The following CNKSR3 variants were observed in gnomAD, a reference collection of about 807,000 sequenced individuals.
The protein encoded by CNKSR3 is connector enhancer of kinase suppressor of ras 3.
CNKSR3 carries 36 observed loss-of-function variants against 67.7 expected under a neutral mutation model. That is an observed-to-expected ratio of 0.53 (90% CI 0.41 to 0.70). The LOEUF is 0.70. Among genes scored for constraint, CNKSR3 ranks in the 30% least tolerant of loss-of-function variants. The probability of loss-of-function intolerance (pLI) is 0.00; values close to 1 mark genes in which losing one functional copy is unlikely to be tolerated. For missense variants in CNKSR3, 630 were observed against 695.2 expected, an observed-to-expected ratio of 0.91 and a Z score of 1.05; for synonymous variants, 281 against 271.4, an observed-to-expected ratio of 1.04 and a Z score of -0.35.
chr6:154,463,134 C>T (rs1347515677), intron 1 of CNKSR3, among the ~76,000 whole-genome samples: 5 of 142,848 alleles, frequency 3.5e-5, no homozygotes, highest in African/African-American at 8.0e-5. Flanking sequence ...TTTTTTGAGA[C>T]GGAGTCTCGC....
chr6:154,402,691 T>C lies in CNKSR3; in HGVS notation c.*3663A>G, dbSNP rs1461627048. On this transcript the variant is annotated 3_prime_UTR_variant, in exon 13 of 13. Transcript: ENST00000607772. ...GCAAGCACTATATGAGTGAAGCCAT[T>C]ACAGACTAGGTATGCCTAGAACTTT... 2 of 152,332 alleles carry C rather than the reference T, an allele frequency of 1.3e-5. No homozygotes were observed. The highest frequency in any genetic ancestry group is 2.1e-4 in the South Asian group (1 of 4,826). 9.4% of individuals were successfully genotyped at this position (152,332 alleles called of 1,614,324 possible).
At chr6:154,483,965 T>C (rs550976368) in intron 1 of CNKSR3, among the ~76,000 whole-genome samples, 5 of 152,142 alleles carry the variant, frequency 3.3e-5, no homozygotes, top group Non-Finnish European at 5.9e-5. Flanking sequence ...ACATTATTGC[T>C]GGTGGATGGG....
chr6:154,423,747 C>T (rs1039357638), intron 7 of CNKSR3, among the ~76,000 whole-genome samples: 3 of 152,182 alleles, frequency 2.0e-5, no homozygotes. Flanking sequence ...TCTTCTTTTA[C>T]ATATTATTGC....
chr6:154,490,716 C>A (rs1255986530), intron 1 of CNKSR3, among the ~76,000 whole-genome samples: 1 of 147,758 alleles, frequency 6.8e-6, no homozygotes, highest in African/African-American at 2.5e-5. Flanking sequence ...GCCACCACAT[C>A]GGCTTCTTTC....
intron 1 of CNKSR3, among the ~76,000 whole-genome samples, chr6:154,474,665 T>C (rs978549093): frequency 6.6e-6 from 1 of 152,052 alleles, no homozygotes; most frequent in African/African-American, 2.4e-5. Flanking sequence ...TGGGGTGGTG[T>C]GCCCCTGGCA....
At position 154,394,214 on chromosome 6, in the gene CNKSR3, T is replaced by A. The variant is rs1268398851; in HGVS notation, c.*12140A>T. The A allele has an allele frequency of 6.6e-6, 1 of 152,230 alleles. No individual in the cohort carries two copies. The highest frequency in any genetic ancestry group is 1.5e-5 in the Non-Finnish European group (1 of 68,074). The allele number at this position is 152,230 out of a possible 1,614,324, so 9.4% of individuals were successfully genotyped here. A position where few individuals can be genotyped will look rare whatever the true frequency, so the allele number is the denominator to read the frequency against. On this transcript the variant is annotated 3_prime_UTR_variant, in exon 13 of 13. Coordinates refer to ENST00000607772, the MANE Select transcript of CNKSR3 (RefSeq NM_173515.4). ...ATTTTTTTGAAAGATAGGGTCTCAC[T>A]ATGGTGCCCAGCTGGTCTTGAACTT... is the stretch of plus-strand genomic sequence containing the variant.
Position 154,442,136 on chromosome 6 carries a change from A to G in CNKSR3, c.371T>C (p.Val124Ala). ...RKAPNEFLTS[V>A]VELIGAAKAL... Reference sequence around the variant, plus strand: ...CTTGGCGGCGCCGATGAGCTCCACCACCGAGGTCAGGAACTCATTGGGGGC... The same window carrying G: ...CTTGGCGGCGCCGATGAGCTCCACCGCCGAGGTCAGGAACTCATTGGGGGC... The change falls in exon 3 of 13, where the codon GTG becomes GCG. Residue 124 changes from valine to alanine, a missense_variant. Around this residue, in one of 3 missense-constraint regions of CNKSR3, gnomAD observed 189 missense variants for 205.0 expected, o/e 0.92. Transcript: ENST00000607772. 6.2e-7 allele frequency: 1 copy of G among 1,613,598 alleles called. No homozygotes were observed. Among genetic ancestry groups the G allele is most frequent in the Non-Finnish European group, 8.5e-7 (1 of 1,179,548 alleles).
chr6:154,408,517 T>C (rs1306904952), intron 12 of CNKSR3, among the ~76,000 whole-genome samples: 2 of 152,192 alleles, frequency 1.3e-5, no homozygotes, highest in African/African-American at 4.8e-5. Flanking sequence ...ACAGTCACAT[T>C]GAAAAAGTGC....
intron 9 of CNKSR3, among the ~76,000 whole-genome samples, chr6:154,418,912 G>A (rs898761738): frequency 1.3e-5 from 2 of 150,398 alleles, no homozygotes; most frequent in Non-Finnish European, 2.9e-5. Flanking sequence ...TCAGATAAGG[G>A]GTTAATACCC....
In CNKSR3 at chr6:154,400,404, T is replaced by C. The variant is rs1784704213; in HGVS notation, c.*5950A>G. The C allele has an allele frequency of 6.6e-6, 1 of 152,218 alleles. No individual in the cohort carries two copies. The highest frequency in any genetic ancestry group is 1.5e-5 in the Non-Finnish European group (1 of 68,046). The allele number at this position is 152,218 out of a possible 1,614,324, so 9.4% of individuals were successfully genotyped here. A position where few individuals can be genotyped will look rare whatever the true frequency, so the allele number is the denominator to read the frequency against. On this transcript the variant is annotated 3_prime_UTR_variant, in exon 13 of 13. Transcript: ENST00000607772. ...AAGGTTGCCATAGAACTTTAGAATA[T>C]GCCTATGGATGGCCAAGTCACAACC...
rs780209855 is a variant in CNKSR3 at position 154,422,627 on chromosome 6, A to T, written c.824T>A (p.Val275Glu). The change falls in exon 9 of 13, where the codon GTG becomes GAG. Residue 275 changes from valine (V) to glutamate (E), a missense_variant. Val to Glu is a moderately radical substitution (Grantham distance 121, BLOSUM62 -2). Around this residue, in one of 3 missense-constraint regions of CNKSR3, gnomAD observed 133 missense variants for 190.6 expected, o/e 0.70. Coordinates refer to ENST00000607772, the MANE Select transcript of CNKSR3 (RefSeq NM_173515.4). ...GGTGGGATTCTCTCTCAATTTCTTC[A>T]CCAGATTTTTCAGCTGCCATCCCAC... Reference protein sequence around the residue: ...TVVGWQLKNLVKKLRENPTGV... With the variant: ...TVVGWQLKNLEKKLRENPTGV... The T allele has an allele frequency of 6.2e-6, 10 of 1,613,530 alleles. No individual in the cohort carries two copies. Among genetic ancestry groups the T allele is most frequent in the Non-Finnish European group, 1.7e-6 (2 of 1,179,998 alleles).
chr6:154,434,546 T>C (rs919093715), intron 4 of CNKSR3, among the ~76,000 whole-genome samples: 2 of 152,228 alleles, frequency 1.3e-5, no homozygotes, highest in African/African-American at 4.8e-5. Context: ...CCTGTCAGTT[T>C]CTACTCTATA....
chr6:154,504,401 G>GA, intron 1 of CNKSR3, among the ~76,000 whole-genome samples: 1 of 152,264 alleles, frequency 6.6e-6, no homozygotes, highest in Admixed American at 6.5e-5. Flanking sequence ...TTGTGTCCTG[G>GA]AGCTATAGGA....
intron 10 of CNKSR3, among the ~76,000 whole-genome samples, chr6:154,411,628 C>T (rs1206584305): frequency 2.3e-5 from 2 of 85,426 alleles, no homozygotes; most frequent in Admixed American, 1.4e-4. Context: ...AGCGAGACTC[C>T]ATCTCAAAAA....
intron 1 of CNKSR3, among the ~76,000 whole-genome samples, chr6:154,451,246 C>T (rs534109403): frequency 7.2e-5 from 11 of 152,250 alleles, no homozygotes; most frequent in Non-Finnish European, 1.5e-4. Context: ...AATTCTTATT[C>T]CTGTACAGAG....
At chr6:154,460,044 C>T (rs1395447033) in intron 1 of CNKSR3, among the ~76,000 whole-genome samples, 1 of 152,186 alleles carries the variant, frequency 6.6e-6, no homozygotes, top group African/African-American at 2.4e-5. Flanking sequence ...ACCCAGCCTG[C>T]CCCCACCCCC....
Position 154,510,241 on chromosome 6 carries a change from G to A in CNKSR3, c.-127C>T. 1 of 1,078,592 alleles carries A rather than the reference G, an allele frequency of 9.3e-7. No individual in the cohort carries two copies. The highest frequency in any genetic ancestry group is 1.4e-6 in the Non-Finnish European group (1 of 724,198). 66.8% of individuals were successfully genotyped at this position (1,078,592 alleles called of 1,614,324 possible). A position where few individuals can be genotyped will look rare whatever the true frequency, so the allele number is the denominator to read the frequency against. Reference sequence around the variant, plus strand: ...CCCTGCGCCCGAGCGACTCCGTCAAGACTGCATGGCCGCGGTCAGCCAGTC... The same window carrying A: ...CCCTGCGCCCGAGCGACTCCGTCAAAACTGCATGGCCGCGGTCAGCCAGTC... On this transcript the variant is annotated 5_prime_UTR_variant, in exon 1 of 13. Coordinates refer to ENST00000607772, the MANE Select transcript of CNKSR3 (RefSeq NM_173515.4).
At chr6:154,490,356 C>G (rs1414241193) in intron 1 of CNKSR3, among the ~76,000 whole-genome samples, 1 of 151,752 alleles carries the variant, frequency 6.6e-6, no homozygotes, top group African/African-American at 2.4e-5. Context: ...AAATAATGAG[C>G]CCTAAAAAAT....
intron 1 of CNKSR3, among the ~76,000 whole-genome samples, chr6:154,475,887 G>A (rs945704730): frequency 6.6e-6 from 1 of 152,106 alleles, no homozygotes; most frequent in Non-Finnish European, 1.5e-5. Flanking sequence ...AAAACCTTAA[G>A]TACAGTAACA....
Sources: allele counts gnomAD v4.1 joint callset (sites outside exome capture counted in the v4.1 genomes callset), GRCh38; gene constraint gnomAD v4.1.1; regional missense constraint gnomAD v4.1.1; transcripts MANE v1.5; gene names NCBI Gene and HGNC (gene_info 2026-07-23, HGNC 2026-07-21).